Variants in CDH12 observed in about 807,000 individuals in gnomAD.
CDH12 encodes the protein cadherin 12, also known as cadherin-12.
Under a neutral mutation model 74.1 loss-of-function variants are expected in CDH12, and 41 were observed. That is an observed-to-expected ratio of 0.55 (90% CI 0.43 to 0.72). The LOEUF (loss-of-function observed/expected upper bound fraction) is 0.72. Ranked by LOEUF, CDH12 falls within the 30% of genes least tolerant of loss-of-function variation. The probability of loss-of-function intolerance (pLI) is 0.00; values close to 1 mark genes in which losing one functional copy is unlikely to be tolerated. For missense variants in CDH12, 945 were observed against 977.2 expected, an observed-to-expected ratio of 0.97 and a Z score of 0.44; for synonymous variants, 399 against 355.0, an observed-to-expected ratio of 1.12 and a Z score of -1.39.
chr5:21,764,921 T>C, intron 12 of CDH12, 57 bp downstream of exon 12: 1 of 1,563,382 alleles, frequency 6.4e-7, no homozygotes, highest in Non-Finnish European at 8.8e-7. Context: ...GACTTATAAC[T>C]TAAAACATGC....
chr5:22,428,569 C>A (rs1183107231), intron 2 of CDH12, among the ~76,000 whole-genome samples: 1 of 152,064 alleles, frequency 6.6e-6, no homozygotes, highest in Non-Finnish European at 1.5e-5. Context: ...GTGACTAGAT[C>A]AACGACAGTG....
intron 1 of CDH12, among the ~76,000 whole-genome samples, chr5:22,562,347 A>C (rs566919025): frequency 7.3e-5 from 11 of 150,292 alleles, no homozygotes; most frequent in African/African-American, 1.5e-4. Flanking sequence ...AACAAACAAA[A>C]AAAAACATAC....
At chr5:22,606,850 A>C (rs1002192577) in intron 1 of CDH12, among the ~76,000 whole-genome samples, 1 of 152,160 alleles carries the variant, frequency 6.6e-6, no homozygotes. Context: ...AAGATGTGGG[A>C]ATGTTTTGAA....
chr5:21,781,382 A>C (rs753989548), intron 11 of CDH12, among the ~76,000 whole-genome samples: 1 of 152,206 alleles, frequency 6.6e-6, no homozygotes, highest in Non-Finnish European at 1.5e-5. Context: ...CATAAGAATT[A>C]GCATTTGAAC....
At chr5:22,469,743 T>G (rs1745881632) in intron 2 of CDH12, among the ~76,000 whole-genome samples, 1 of 152,160 alleles carries the variant, frequency 6.6e-6, no homozygotes, top group African/African-American at 2.4e-5. Context: ...TTTCTCAACT[T>G]TCTTCCTTTA....
At chr5:22,650,406 A>T (rs1046945118) in intron 1 of CDH12, among the ~76,000 whole-genome samples, 2 of 152,098 alleles carry the variant, frequency 1.3e-5, no homozygotes, top group African/African-American at 2.4e-5. Context: ...ACAATAAAGC[A>T]GTACTTGGAA....
chr5:21,858,181 C>T (rs1167903808), intron 6 of CDH12, among the ~76,000 whole-genome samples: 2 of 151,794 alleles, frequency 1.3e-5, no homozygotes, highest in Non-Finnish European at 2.9e-5. Context: ...CAAGTCAGTT[C>T]ATAACATATC....
chr5:22,709,315 T>G (rs1212221778), intron 1 of CDH12, among the ~76,000 whole-genome samples: 3 of 152,114 alleles, frequency 2.0e-5, no homozygotes, highest in Non-Finnish European at 4.4e-5. Context: ...GACAGAAATA[T>G]GCAGAAGATT....
At chr5:22,408,362 G>A (rs938815199) in intron 2 of CDH12, among the ~76,000 whole-genome samples, 2 of 151,154 alleles carry the variant, frequency 1.3e-5, no homozygotes, top group South Asian at 2.1e-4. Flanking sequence ...AAGTGTCCTC[G>A]GTCTCTGTCC....
chr5:22,545,523 A>G (rs530831829), intron 1 of CDH12, among the ~76,000 whole-genome samples: 20 of 152,354 alleles, frequency 1.3e-4, no homozygotes, highest in Non-Finnish European at 2.8e-4. Context: ...GCAGGGTCAT[A>G]ACAAATTCTA....
chr5:21,939,450 A>C lies in CDH12; in HGVS notation c.526+35641T>G, dbSNP rs534184074. On this transcript the variant is annotated intron_variant, in intron 6 of 14. Coordinates refer to ENST00000382254, the MANE Select transcript of CDH12 (RefSeq NM_004061.5). ...AGGTTTTACATACATCAGGGTTACA[A>C]TTAAATTTAACATGCTTTTTATTTT... 3.5e-3 allele frequency among the ~76,000 whole-genome samples: 536 copies of C among 151,968 alleles called. 4 individuals are homozygous for C. The highest frequency in any genetic ancestry group is 0.012 in the African/African-American group (501 of 41,552).
At chr5:22,117,450 TATATATATTATATATATA>T (rs1745189357) in intron 4 of CDH12, among the ~76,000 whole-genome samples, 4 of 79,208 alleles carry the variant, frequency 5.0e-5, no homozygotes, top group African/African-American at 2.2e-4. Context: ...ATATATATAA[TATATATATTATATATATA>T]ATATATATAT....
chr5:22,246,283 T>C (rs910346679), intron 3 of CDH12, among the ~76,000 whole-genome samples: 3 of 152,138 alleles, frequency 2.0e-5, no homozygotes, highest in Non-Finnish European at 4.4e-5. Flanking sequence ...ATAGTACCAG[T>C]CTTAGTAATT....
intron 6 of CDH12, among the ~76,000 whole-genome samples, chr5:21,913,931 G>A (rs146981672): frequency 1.3e-3 from 196 of 152,142 alleles, no homozygotes; most frequent in African/African-American, 4.6e-3. Flanking sequence ...TGACCTTCCT[G>A]CCTCAGTCTC....
rs1238161689 is a variant in CDH12, at chr5:22,759,208, AC to A, written c.-523+93849del. Reference sequence around the variant, plus strand: ...TGCTACGCAGTCTCAGAAAAAAAAAACAAAAAAAAACTTAGATTGATTTCAA... The same window carrying A: ...TGCTACGCAGTCTCAGAAAAAAAAAAAAAAAAAAACTTAGATTGATTTCAA... On this transcript the variant is annotated intron_variant, in intron 1 of 14. Coordinates refer to ENST00000382254, the MANE Select transcript of CDH12 (RefSeq NM_004061.5). 4.1e-3 allele frequency among the ~76,000 whole-genome samples: 620 copies of A among 151,940 alleles called. 3 individuals carry two copies. Among genetic ancestry groups the A allele is most frequent in the African/African-American group, 0.014 (596 of 41,382 alleles).
intron 1 of CDH12, among the ~76,000 whole-genome samples, chr5:22,555,957 T>C (rs1467809162): frequency 6.6e-6 from 1 of 151,926 alleles, no homozygotes; most frequent in South Asian, 2.1e-4. Flanking sequence ...GATAAACAAT[T>C]GCTATAGGTC....
At chr5:21,849,164 A>G (rs921027963) in intron 7 of CDH12, among the ~76,000 whole-genome samples, 1 of 151,830 alleles carries the variant, frequency 6.6e-6, no homozygotes, top group Non-Finnish European at 1.5e-5. Context: ...AACTCACACT[A>G]TGTATTGATA....
At chr5:22,562,580 G>A in intron 1 of CDH12, among the ~76,000 whole-genome samples, 1 of 151,394 alleles carries the variant, frequency 6.6e-6, no homozygotes. Flanking sequence ...TTGAAAACTG[G>A]AAGGGATTTT....
At chr5:22,057,784 T>C (rs73067200) in intron 5 of CDH12, among the ~76,000 whole-genome samples, 2,871 of 152,258 alleles carry the variant, frequency 0.019, 92 homozygotes, top group African/African-American at 0.065. Flanking sequence ...TGCATAGTTT[T>C]CATGGAGCGA....
Sources: allele counts gnomAD v4.1 joint callset (sites outside exome capture counted in the v4.1 genomes callset), GRCh38; gene constraint gnomAD v4.1.1; transcripts MANE v1.5; gene names NCBI Gene and HGNC (gene_info 2026-07-23, HGNC 2026-07-21).